OSBPL8: variants seen among roughly 807,000 people sequenced by gnomAD.
OSBPL8 encodes the protein oxysterol binding protein like 8.
OSBPL8 carries 59 observed loss-of-function variants against 125.5 expected under a neutral mutation model. The ratio of observed to expected loss-of-function variants is 0.47; its 90% confidence interval spans 0.38 to 0.58. OSBPL8 has a LOEUF of 0.58. OSBPL8 is among the 20% of genes least tolerant of loss of function. The pLI is 0.00. For synonymous variants in OSBPL8, 330 were observed against 338.9 expected (o/e 0.97, Z 0.29); for missense variants, 758 against 1,047.8 (o/e 0.72, Z 3.82).
At chr12:76,383,535 C>T (rs1030411339) in intron 15 of OSBPL8, among the ~76,000 whole-genome samples, 1 of 152,102 alleles carries the variant, frequency 6.6e-6, no homozygotes, top group Non-Finnish European at 1.5e-5. Context: ...TATGGCTCAC[C>T]ACACGCTCAG....
intron 21 of OSBPL8, among the ~76,000 whole-genome samples, chr12:76,359,463 A>G (rs1302863252): frequency 6.6e-6 from 1 of 152,236 alleles, no homozygotes; most frequent in Non-Finnish European, 1.5e-5. Flanking sequence ...CCTTAGAATA[A>G]TAACTTTGGA....
chr12:76,477,223 A>G (rs1424074122), intron 2 of OSBPL8, among the ~76,000 whole-genome samples: 1 of 151,956 alleles, frequency 6.6e-6, no homozygotes, highest in Non-Finnish European at 1.5e-5. Flanking sequence ...TTTCCTTTAT[A>G]CTCTTAGAAA....
chr12:76,515,831 C>T (rs765715717), intron 1 of OSBPL8, among the ~76,000 whole-genome samples: 1 of 152,070 alleles, frequency 6.6e-6, no homozygotes, highest in Non-Finnish European at 1.5e-5. Context: ...TATTAACTCA[C>T]CCCTTCCATT....
At chr12:76,510,547 G>A (rs182101343) in intron 1 of OSBPL8, among the ~76,000 whole-genome samples, 93 of 152,080 alleles carry the variant, frequency 6.1e-4, no homozygotes, top group African/African-American at 1.6e-3. Context: ...CTTCACTGTC[G>A]GTTATATGTC....
chr12:76,421,146 T>C (rs1869426736), intron 4 of OSBPL8, among the ~76,000 whole-genome samples: 1 of 151,966 alleles, frequency 6.6e-6, no homozygotes, highest in South Asian at 2.1e-4. Flanking sequence ...GCAAACAATA[T>C]ATACTAGCAA....
intron 3 of OSBPL8, among the ~76,000 whole-genome samples, chr12:76,455,167 C>T (rs995625817): frequency 6.6e-6 from 1 of 151,750 alleles, no homozygotes; most frequent in African/African-American, 2.4e-5. Flanking sequence ...GGCGTGAACC[C>T]GGGAGGCGGA....
At chr12:76,438,931 T>G (rs1001471204) in intron 4 of OSBPL8, among the ~76,000 whole-genome samples, 1 of 152,230 alleles carries the variant, frequency 6.6e-6, no homozygotes, top group African/African-American at 2.4e-5. Flanking sequence ...TCTTGCAATG[T>G]CCTTGCCTGC....
chr12:76,493,852 T>A (rs1283343346), intron 1 of OSBPL8, among the ~76,000 whole-genome samples: 1 of 152,208 alleles, frequency 6.6e-6, no homozygotes, highest in Non-Finnish European at 1.5e-5. Flanking sequence ...TTTGATGATG[T>A]CCCTAAATCT....
chr12:76,385,156 C>T (rs986596226), intron 14 of OSBPL8, among the ~76,000 whole-genome samples: 2 of 152,060 alleles, frequency 1.3e-5, no homozygotes, highest in African/African-American at 4.8e-5. Flanking sequence ...AGAATTAAAT[C>T]ATTGAGTTTT....
At chr12:76,508,347 T>C (rs1043791850) in intron 1 of OSBPL8, among the ~76,000 whole-genome samples, 7 of 152,202 alleles carry the variant, frequency 4.6e-5, no homozygotes, top group African/African-American at 1.4e-4. Context: ...CATATAAGGA[T>C]GTTACAGTCA....
At chr12:76,518,317 C>A (rs1371428867) in intron 1 of OSBPL8, among the ~76,000 whole-genome samples, 1 of 152,214 alleles carries the variant, frequency 6.6e-6, no homozygotes, top group African/African-American at 2.4e-5. Flanking sequence ...TCATGTCCAG[C>A]AACCTTGTGT....
chr12:76,382,793 G>A (rs570817795), intron 15 of OSBPL8, among the ~76,000 whole-genome samples: 1 of 152,328 alleles, frequency 6.6e-6, no homozygotes, highest in South Asian at 2.1e-4. Context: ...TGAGGCAGGA[G>A]AATAGCTTGA....
intron 1 of OSBPL8, among the ~76,000 whole-genome samples, chr12:76,540,912 G>C (rs1310595803): frequency 1.3e-4 from 20 of 152,110 alleles, no homozygotes; most frequent in Admixed American, 1.3e-3. Context: ...ATCAAGAAAA[G>C]TAAAAGTCTG....
At chr12:76,370,149 C>T (rs528803488) in intron 19 of OSBPL8, among the ~76,000 whole-genome samples, 6 of 152,220 alleles carry the variant, frequency 3.9e-5, no homozygotes, top group Admixed American at 6.5e-5. Flanking sequence ...CAGGAATCTA[C>T]GCTTTTAGCA....
chr12:76,389,114 G>A (rs576945878), intron 12 of OSBPL8, among the ~76,000 whole-genome samples: 3 of 152,198 alleles, frequency 2.0e-5, no homozygotes, highest in African/African-American at 7.2e-5. Context: ...GCCTCCTTTA[G>A]GTGTGCCTTC....
chr12:76,532,670 C>G (rs1466587254), intron 1 of OSBPL8, among the ~76,000 whole-genome samples: 1 of 151,872 alleles, frequency 6.6e-6, no homozygotes, highest in Admixed American at 6.6e-5. Flanking sequence ...CCTCCTCCAA[C>G]ATATGCAATC....
At chr12:76,519,072 C>A (rs990642692) in intron 1 of OSBPL8, among the ~76,000 whole-genome samples, 2 of 152,102 alleles carry the variant, frequency 1.3e-5, no homozygotes, top group African/African-American at 2.4e-5. Context: ...CTAAATTTTC[C>A]GAATTTTTAT....
chr12:76,435,752 A>G (rs1871368859), intron 4 of OSBPL8, among the ~76,000 whole-genome samples: 1 of 152,200 alleles, frequency 6.6e-6, no homozygotes, highest in African/African-American at 2.4e-5. Flanking sequence ...GTGACATCAC[A>G]ATGATGGTAA....
At chr12:76,438,303 C>CTTT (rs1011776823) in intron 4 of OSBPL8, among the ~76,000 whole-genome samples, 6 of 130,636 alleles carry the variant, frequency 4.6e-5, no homozygotes, top group African/African-American at 1.4e-4. Flanking sequence ...TTCTTAATAA[C>CTTT]TTTTTTTTTT....
Sources: allele counts gnomAD v4.1 joint callset (sites outside exome capture counted in the v4.1 genomes callset), GRCh38; gene constraint gnomAD v4.1.1; transcripts MANE v1.5; gene names NCBI Gene and HGNC (gene_info 2026-07-23, HGNC 2026-07-21).